Variants in LYST observed in about 807,000 individuals in gnomAD.
The protein encoded by LYST is lysosomal trafficking regulator.
Under a neutral mutation model 413.6 loss-of-function variants are expected in LYST, and 192 were observed. The observed-to-expected ratio is 0.46, with a 90% CI of 0.41 to 0.52. The LOEUF (loss-of-function observed/expected upper bound fraction) is 0.52, where lower values mean the gene tolerates loss of function less well. LYST is among the 20% of genes least tolerant of loss of function. LYST has a pLI of 0.00. For missense variants in LYST, 3,815 were observed against 4,499.9 expected (o/e 0.85, Z 4.35); for synonymous variants, 1,525 against 1,567.3 (o/e 0.97, Z 0.64).
At chr1:235,713,121 T>C (rs553811496) in intron 42 of LYST, 1 of 985,362 alleles carries the variant, frequency 1.0e-6, no homozygotes, top group South Asian at 4.7e-5. Context: ...TCACTTGTAT[T>C]ACTTTCTCAT....
Position 235,809,025 on chromosome 1 carries a change from G to A in LYST, c.1793C>T (p.Ala598Val). The change falls in exon 5 of 53, where the codon GCT becomes GTT. Residue 598 changes from alanine (A) to valine (V), a missense_variant. This residue lies in a region of LYST where 1,648 missense variants were observed against 1,810.3 expected (regional missense o/e 0.91). Coordinates refer to ENST00000389793, the MANE Select transcript of LYST (RefSeq NM_000081.4). This position sits in a 1 kb window ranked among gnomAD's most constrained non-coding sequence, Gnocchi z 4.0. ...PKSVIIPLLH[A>V]FKLPALKNFQ... ...ATTTTTCAGTGCTGGCAATTTAAAA[G>A]CATGGAGCAAAGGAATGATTACAGA... 6.2e-7 allele frequency: 1 copy of A among 1,614,026 alleles called. No homozygotes were observed. Among genetic ancestry groups the A allele is most frequent in the South Asian group, 1.1e-5 (1 of 91,084 alleles).
At chr1:235,751,436 T>C (rs537990110) in intron 27 of LYST, 74 bp from the exon 28 acceptor site, 1 of 1,228,532 alleles carries the variant, frequency 8.1e-7, no homozygotes, top group South Asian at 1.2e-5. Flanking sequence ...ATTTTATGTA[T>C]CATGACAATA....
Position 235,662,715 on chromosome 1 carries a change from AG to A in LYST, c.*224del. 2 of 585,706 alleles carry A rather than the reference AG, an allele frequency of 3.4e-6. No homozygotes were observed. The highest frequency in any genetic ancestry group is 6.2e-6 in the Non-Finnish European group (2 of 323,750). The allele number at this position is 585,706 out of a possible 1,614,324, so 36.3% of individuals were successfully genotyped here. A position where few individuals can be genotyped will look rare whatever the true frequency, so the allele number is the denominator to read the frequency against. ...ATGCGAGGCTTAAAACTTGTTGGCT[AG>A]TGCATATTGACACAATCTTCCAGAT... is the stretch of plus-strand genomic sequence containing the variant. On this transcript the variant is annotated 3_prime_UTR_variant, in exon 53 of 53. Coordinates refer to ENST00000389793, the MANE Select transcript of LYST (RefSeq NM_000081.4).
chr1:235,712,000 T>A, intron 43 of LYST, 57 bp downstream of exon 43: 1 of 1,394,672 alleles, frequency 7.2e-7, no homozygotes, highest in Non-Finnish European at 9.6e-7. Context: ...TTTTGGAAAA[T>A]TACAAAATAA....
At position 235,810,500 on chromosome 1, in the gene LYST, C is replaced by A; in HGVS notation, c.318G>T (p.Leu106=). The A allele has an allele frequency of 6.2e-7, 1 of 1,612,148 alleles. No homozygotes were observed. Among genetic ancestry groups the A allele is most frequent in the South Asian group, 1.1e-5 (1 of 90,792 alleles). ...GTGAACTTGAGTTCTTTTCTTTGGTCAGGATTATATCTGCTGAGAGCGGTA... is the reference window on the plus strand; with the variant it reads ...GTGAACTTGAGTTCTTTTCTTTGGTAAGGATTATATCTGCTGAGAGCGGTA... ...FNLPLSADII[L]TKEKNSSSQR... The change falls in exon 5 of 53, where the codon CTG becomes CTT. Residue 106 remains leucine, a synonymous_variant. Transcript: ENST00000389793.
intron 1 of LYST, among the ~76,000 whole-genome samples, chr1:235,873,354 G>GT (rs1011634590): frequency 1.3e-4 from 20 of 151,560 alleles, no homozygotes; most frequent in African/African-American, 3.6e-4. Flanking sequence ...TCTCATACAA[G>GT]TTTTTTTTTC....
At chr1:235,678,693 G>T (rs1659574665) in intron 48 of LYST, among the ~76,000 whole-genome samples, 1 of 152,000 alleles carries the variant, frequency 6.6e-6, no homozygotes. Flanking sequence ...ATTAAACATT[G>T]TACATATAAT....
At chr1:235,833,926 G>A (rs145299164) in intron 1 of LYST, among the ~76,000 whole-genome samples, 1,896 of 152,170 alleles carry the variant, frequency 0.012, 15 homozygotes, top group Middle Eastern at 0.041. Flanking sequence ...AAACCTCCAG[G>A]TAAATCACAA....
At chr1:235,803,243 C>T (rs1166964579) in intron 7 of LYST, among the ~76,000 whole-genome samples, 179 bp from the exon 8 acceptor site, 1 of 152,066 alleles carries the variant, frequency 6.6e-6, no homozygotes, top group Non-Finnish European at 1.5e-5. Flanking sequence ...CAGATCCTTT[C>T]AGACAACTTA....
chr1:235,725,570 G>A (rs1378851434), intron 38 of LYST, among the ~76,000 whole-genome samples: 1 of 152,174 alleles, frequency 6.6e-6, no homozygotes, highest in African/African-American at 2.4e-5. Flanking sequence ...CCATCATATA[G>A]ATTTAGGTTA....
intron 19 of LYST, 106 bp downstream of exon 19, chr1:235,773,736 C>A (rs962338874): frequency 2.4e-6 from 2 of 843,988 alleles, no homozygotes; most frequent in East Asian, 2.6e-5. Context: ...ACTGTAAATG[C>A]ACTTAATGCC....
At chr1:235,800,768 C>A in intron 9 of LYST, 103 bp downstream of exon 9, 1 of 789,226 alleles carries the variant, frequency 1.3e-6, no homozygotes, top group Non-Finnish European at 2.1e-6. Flanking sequence ...GATAAGTAAT[C>A]ATCTCAAATA....
chr1:235,731,314 A>T, intron 34 of LYST, 137 bp from the exon 35 acceptor site: 1 of 770,508 alleles, frequency 1.3e-6, no homozygotes, highest in Non-Finnish European at 2.3e-6. Flanking sequence ...TATATATTTG[A>T]TCAGGGAATG....
chr1:235,766,830 A>G (rs1558213179), intron 20 of LYST, among the ~76,000 whole-genome samples: 1 of 152,078 alleles, frequency 6.6e-6, no homozygotes, highest in Non-Finnish European at 1.5e-5. Context: ...TACTACTACT[A>G]TTAGTAATAT....
intron 1 of LYST, among the ~76,000 whole-genome samples, chr1:235,862,710 C>T (rs1333634745): frequency 2.6e-5 from 4 of 151,526 alleles, no homozygotes; most frequent in East Asian, 2.0e-4. Flanking sequence ...GCAGGAGAAT[C>T]GCTTGAACCT....
Position 235,746,394 on chromosome 1 carries a change from T to A in LYST, c.7914A>T (p.Glu2638Asp). The change falls in exon 29 of 53, where the codon GAA becomes GAT. Residue 2638 changes from glutamate (E) to aspartate (D), a missense_variant. Glu to Asp is a conservative substitution (Grantham distance 45). Coordinates refer to ENST00000389793, the MANE Select transcript of LYST (RefSeq NM_000081.4). ...TGAGCCTCTGTAGTCTCTGCGCAAG[T>A]TCCGTTTCAGTTGCTTGGCTAGGGT... is the stretch of plus-strand genomic sequence containing the variant. ...QENPSQATET[E>D]LAQRLQRLTV... 6.2e-7 allele frequency: 1 copy of A among 1,613,994 alleles called. No individual in the cohort carries two copies. The highest frequency in any genetic ancestry group is 8.5e-7 in the Non-Finnish European group (1 of 1,179,910).
intron 1 of LYST, among the ~76,000 whole-genome samples, chr1:235,859,048 C>T (rs1679547264): frequency 6.6e-6 from 1 of 152,178 alleles, no homozygotes; most frequent in African/African-American, 2.4e-5. Flanking sequence ...AAGCATACTC[C>T]AACCCATGTT....
chr1:235,864,724 G>A (rs531399854), intron 1 of LYST, among the ~76,000 whole-genome samples: 1 of 152,354 alleles, frequency 6.6e-6, no homozygotes, highest in African/African-American at 2.4e-5. Flanking sequence ...TTGAGCCCAG[G>A]AGTTTGAGAC....
At chr1:235,721,426 A>T (rs1421635120) in intron 39 of LYST, among the ~76,000 whole-genome samples, 1 of 152,230 alleles carries the variant, frequency 6.6e-6, no homozygotes, top group Non-Finnish European at 1.5e-5. Flanking sequence ...AAACATATAT[A>T]AACTCTTTTT....
Sources: allele counts gnomAD v4.1 joint callset (sites outside exome capture counted in the v4.1 genomes callset), GRCh38; gene constraint gnomAD v4.1.1; regional missense constraint gnomAD v4.1.1; non-coding constraint Gnocchi (gnomAD v3.1); transcripts MANE v1.5; gene names NCBI Gene and HGNC (gene_info 2026-07-23, HGNC 2026-07-21).